NIPBL: variants seen among roughly 807,000 people sequenced by gnomAD.
NIPBL encodes the protein NIPBL cohesin loading factor, also known as nipped-B-like protein.
In NIPBL, 19 loss-of-function variants were observed where a neutral mutation model predicts 321.8. The ratio of observed to expected loss-of-function variants is 0.06; its 90% CI spans 0.04 to 0.09. The LOEUF is 0.09. Ranked by LOEUF, NIPBL falls within the 10% of genes least tolerant of loss-of-function variation. The pLI, the probability that NIPBL is intolerant of heterozygous loss-of-function variation, is 1.00. For synonymous variants in NIPBL, 1,106 were observed against 1,114.1 expected, an observed-to-expected ratio of 0.99 and a Z score of 0.14; for missense variants, 2,210 against 3,327.0, an observed-to-expected ratio of 0.66 and a Z score of 8.26.
chr5:37,044,339 T>A lies in NIPBL; in HGVS notation c.6109-8T>A. On this transcript the variant is annotated splice_region_variant and splice_polypyrimidine_tract_variant and intron_variant, in intron 34 of 46. Coordinates refer to ENST00000282516, the MANE Select transcript of NIPBL (RefSeq NM_133433.4). Reference sequence around the variant, plus strand: ...GATATTCATAAAGCATTAATTTTATTCTTATAGACGCAAAATGATTTCATG... The same window carrying A: ...GATATTCATAAAGCATTAATTTTATACTTATAGACGCAAAATGATTTCATG... The A allele has an allele frequency of 1.2e-6, 2 of 1,612,434 alleles. No individual in the cohort carries two copies. The highest frequency in any genetic ancestry group is 1.7e-6 in the Non-Finnish European group (2 of 1,178,736).
intron 9 of NIPBL, among the ~76,000 whole-genome samples, chr5:36,976,903 A>C (rs1159754905): frequency 6.6e-6 from 1 of 152,048 alleles, no homozygotes; most frequent in Non-Finnish European, 1.5e-5. Context: ...TAGTAAACAA[A>C]TCATGGAAAG....
At chr5:37,051,440 G>A (rs1240406179) in intron 40 of NIPBL, 1 of 246,742 alleles carries the variant, frequency 4.1e-6, no homozygotes, top group Non-Finnish European at 7.7e-6. Context: ...ATTCAGTCAA[G>A]CTTTAAAAAC....
chr5:36,988,999 T>C (rs1424802444), intron 10 of NIPBL, among the ~76,000 whole-genome samples: 2 of 152,192 alleles, frequency 1.3e-5, no homozygotes, highest in Non-Finnish European at 2.9e-5. Flanking sequence ...GTATCCCTAG[T>C]ACCTAACAAA....
intron 10 of NIPBL, among the ~76,000 whole-genome samples, chr5:36,991,612 C>A (rs536976913): frequency 1.3e-5 from 2 of 152,082 alleles, no homozygotes; most frequent in African/African-American, 4.8e-5. Context: ...TTGTCATTTA[C>A]ATGCAGTATT....
At chr5:36,952,053 T>TGCGTGCGCGC (rs1554010278) in intron 1 of NIPBL, among the ~76,000 whole-genome samples, 5 of 112,112 alleles carry the variant, frequency 4.5e-5, no homozygotes, top group Non-Finnish European at 1.9e-5. Context: ...TGTGTGTGTG[T>TGCGTGCGCGC]GCGCGCGCGC....
chr5:37,064,342 G>A, intron 46 of NIPBL, 185 bp from the exon 47 acceptor site: 1 of 985,040 alleles, frequency 1.0e-6, no homozygotes, highest in Non-Finnish European at 1.2e-6. Flanking sequence ...AGAGTTATAT[G>A]GTTTTACAAG....
chr5:37,042,745 G>C (rs1456341134), intron 34 of NIPBL, among the ~76,000 whole-genome samples: 1 of 151,054 alleles, frequency 6.6e-6, no homozygotes, highest in African/African-American at 2.4e-5. Flanking sequence ...AGAATCACTT[G>C]AACTCAGGAG....
chr5:37,008,868 T>G, intron 20 of NIPBL, 145 bp downstream of exon 20: 1 of 636,960 alleles, frequency 1.6e-6, no homozygotes, highest in Non-Finnish European at 2.8e-6. Flanking sequence ...AAAATAGATG[T>G]GTGAAATAAC....
intron 3 of NIPBL, among the ~76,000 whole-genome samples, 190 bp from the exon 4 acceptor site, chr5:36,957,914 C>T (rs368584624): frequency 3.3e-5 from 5 of 150,700 alleles, no homozygotes; most frequent in Non-Finnish European, 7.4e-5. Context: ...ACCTGGGAGA[C>T]GGAGGTTGCA....
chr5:36,955,632 T>C lies in NIPBL; in HGVS notation c.225T>C (p.Asp75=), dbSNP rs745537254. ...ATAGCCTCAACCAGGTATCAACAGA[T>C]CACATGTAAGTATGATCAATTTTAT... ...LVHSLNQVST[D]HIELKDNLGS... The change falls in exon 3 of 47, where the codon GAT becomes GAC. Residue 75 remains aspartate (D), a synonymous_variant. Coordinates refer to ENST00000282516, the MANE Select transcript of NIPBL (RefSeq NM_133433.4). 2 of 1,613,650 alleles carry C rather than the reference T, an allele frequency of 1.2e-6. No individual in the cohort carries two copies.
intron 1 of NIPBL, 56 bp from the exon 2 acceptor site, chr5:36,953,562 G>C (rs1229723096): frequency 1.3e-6 from 1 of 773,368 alleles, no homozygotes; most frequent in Non-Finnish European, 2.3e-6. Flanking sequence ...GCATTTTCCT[G>C]ATAGTAATAT....
intron 11 of NIPBL, 96 bp downstream of exon 11, chr5:36,995,900 G>A: frequency 9.3e-7 from 1 of 1,078,222 alleles, no homozygotes; most frequent in Admixed American, 2.0e-5. Context: ...CAAAAGCACA[G>A]TCACCTTAAT....
At chr5:36,980,323 G>A (rs1743994058) in intron 9 of NIPBL, among the ~76,000 whole-genome samples, 1 of 151,648 alleles carries the variant, frequency 6.6e-6, no homozygotes, top group South Asian at 2.1e-4. Context: ...ATACAGGTAT[G>A]CGGTGATAAC....
Position 37,051,762 on chromosome 5 carries a change from T to A in NIPBL, c.6955-17T>A. 1.3e-6 allele frequency: 2 copies of A among 1,572,940 alleles called. No homozygotes were observed. The highest frequency in any genetic ancestry group is 1.8e-6 in the Non-Finnish European group (2 of 1,142,574). ...TTTACTACCATGATATCTCGTAATT[T>A]TTTTTTTTATTTCCAGTGTGTGCCA... On this transcript the variant is annotated splice_polypyrimidine_tract_variant and intron_variant, in intron 40 of 46. Coordinates refer to ENST00000282516, the MANE Select transcript of NIPBL (RefSeq NM_133433.4).
intron 30 of NIPBL, among the ~76,000 whole-genome samples, chr5:37,025,806 T>TA (rs1004050944): frequency 1.2e-4 from 18 of 150,030 alleles, no homozygotes; most frequent in South Asian, 8.4e-4. Flanking sequence ...TATGTATCCA[T>TA]AAAAAAAAAA....
At chr5:37,003,096 T>A (rs1747009848) in intron 15 of NIPBL, among the ~76,000 whole-genome samples, 165 bp from the exon 16 acceptor site, 1 of 152,038 alleles carries the variant, frequency 6.6e-6, no homozygotes. Context: ...TTTAGTCATT[T>A]AGGGTCGTTG....
chr5:36,987,524 A>T (rs921793749), intron 10 of NIPBL, among the ~76,000 whole-genome samples: 5 of 152,222 alleles, frequency 3.3e-5, no homozygotes, highest in African/African-American at 1.2e-4. Context: ...ATGCTGTTGT[A>T]GCTTGTCTAC....
chr5:36,941,810 G>T (rs1208744237), intron 1 of NIPBL, among the ~76,000 whole-genome samples: 1 of 151,866 alleles, frequency 6.6e-6, no homozygotes, highest in East Asian at 1.9e-4. Context: ...TGATATTACA[G>T]AACTAAATTT....
At chr5:36,923,644 A>C (rs1749125042) in intron 1 of NIPBL, among the ~76,000 whole-genome samples, 1 of 152,162 alleles carries the variant, frequency 6.6e-6, no homozygotes, top group Non-Finnish European at 1.5e-5. Flanking sequence ...TATCCAGAAG[A>C]ATCTTTTTCT....
Sources: gnomAD v4.1 joint callset for allele counts (sites outside exome capture counted in the v4.1 genomes callset) on GRCh38, gnomAD v4.1.1 for gene constraint, MANE v1.5 for transcripts, NCBI Gene and HGNC (gene_info 2026-07-23, HGNC 2026-07-21) for gene names.